Variants in ZNF135 observed in about 807,000 individuals in gnomAD.
The protein encoded by ZNF135 is zinc finger protein 135.
A neutral mutation model predicts 12.3 loss-of-function variants in ZNF135; 11 were observed. The ratio of observed to expected loss-of-function variants is 0.89; its 90% CI spans 0.56 to 1.48. The LOEUF is 1.48. ZNF135 is among the 40% of genes most tolerant of loss of function. The pLI, the probability that ZNF135 is intolerant of heterozygous loss-of-function variation, is 0.00. For missense variants in ZNF135, 722 were observed against 815.7 expected, an observed-to-expected ratio of 0.89 and a Z score of 1.40; for synonymous variants, 316 against 312.0, an observed-to-expected ratio of 1.01 and a Z score of -0.14.
intron 3 of ZNF135, among the ~76,000 whole-genome samples, chr19:58,062,003 C>T (rs546625703): frequency 6.6e-6 from 1 of 152,240 alleles, no homozygotes; most frequent in African/African-American, 2.4e-5. Flanking sequence ...CTGTTAGGAG[C>T]CCCTCCTTCT....
In ZNF135 at chr19:58,068,482, G is replaced by A. The variant is rs2074117913; in HGVS notation, c.*21G>A. The A allele has an allele frequency of 1.2e-6, 2 of 1,607,454 alleles. No individual in the cohort carries two copies. Among genetic ancestry groups the A allele is most frequent in the Non-Finnish European group, 1.7e-6 (2 of 1,176,356 alleles). Reference sequence around the variant, plus strand: ...GATAAACCCACTCCACATGTGCTGGGGACATAGGAAGACCTTAAGCCATAG... The same window carrying A: ...GATAAACCCACTCCACATGTGCTGGAGACATAGGAAGACCTTAAGCCATAG... On this transcript the variant is annotated 3_prime_UTR_variant, in exon 5 of 5. Transcript: ENST00000313434.
chr19:58,061,495 C>G, intron 2 of ZNF135, 85 bp from the exon 3 acceptor site: 1 of 1,521,836 alleles, frequency 6.6e-7, no homozygotes, highest in Non-Finnish European at 8.8e-7. Flanking sequence ...TCCATCCGAC[C>G]CAGCCTGGCT....
At chr19:58,061,069 A>G (rs2145923371) in intron 2 of ZNF135, among the ~76,000 whole-genome samples, 1 of 151,822 alleles carries the variant, frequency 6.6e-6, no homozygotes, top group East Asian at 2.0e-4. Context: ...CGGAGCTTGC[A>G]GTGAGCCAAG....
rs1309913919 is a variant in ZNF135, at chr19:58,063,381, T to C, written c.161-65T>C. 10 of 1,602,248 alleles carry C rather than the reference T, an allele frequency of 6.2e-6. No individual in the cohort carries two copies. The East Asian group carries it at 2.2e-4, about 36-fold the overall frequency. On this transcript the variant is annotated intron_variant, in intron 3 of 4. Transcript: ENST00000313434. This position sits in a 1 kb window ranked among gnomAD's most constrained non-coding sequence, Gnocchi z 4.4. Reference sequence around the variant, plus strand: ...GGGACCTGGAAGACCAAAGGTGGAATGGGCTGAGGCTCAGGAAGGGTCCTG... The same window carrying C: ...GGGACCTGGAAGACCAAAGGTGGAACGGGCTGAGGCTCAGGAAGGGTCCTG...
chr19:58,063,736 A>T lies in ZNF135; in HGVS notation c.256+195A>T, dbSNP rs2074021628. 7.4e-7 allele frequency: 1 copy of T among 1,353,504 alleles called. No homozygotes were observed. Among genetic ancestry groups the T allele is most frequent in the Non-Finnish European group, 9.6e-7 (1 of 1,042,390 alleles). 83.8% of individuals were successfully genotyped at this position (1,353,504 alleles called of 1,614,324 possible). The stretch of plus-strand genomic sequence containing the variant: ...ACTGAATTTATATTCTTGGTGAGGG[A>T]GTGGGGGAAACAAACAATAAATCGG... On this transcript the variant is annotated intron_variant, in intron 4 of 4. Transcript: ENST00000313434. The surrounding 1 kb of genome is among the most constrained non-coding windows in gnomAD (Gnocchi z 4.4).
rs2074119497 is a variant in ZNF135, at chr19:58,068,581, C to T, written c.*120C>T. 4 of 1,140,296 alleles carry T rather than the reference C, an allele frequency of 3.5e-6. No homozygotes were observed. Among genetic ancestry groups the T allele is most frequent in the South Asian group, 1.6e-5 (1 of 63,480 alleles). 70.6% of individuals were successfully genotyped at this position (1,140,296 alleles called of 1,614,324 possible). A position where few individuals can be genotyped will look rare whatever the true frequency, so the allele number is the denominator to read the frequency against. ...TTCATACACAAGCCTTTTCACACAGCACTCCCCTCAGACACCCTCAGAGAG... is the reference window on the plus strand; with the variant it reads ...TTCATACACAAGCCTTTTCACACAGTACTCCCCTCAGACACCCTCAGAGAG... On this transcript the variant is annotated 3_prime_UTR_variant, in exon 5 of 5. Transcript: ENST00000313434.
At chr19:58,062,445 C>G (rs2073997191) in intron 3 of ZNF135, among the ~76,000 whole-genome samples, 2 of 152,096 alleles carry the variant, frequency 1.3e-5, no homozygotes, top group Admixed American at 1.3e-4. Flanking sequence ...TGCAGTGGTG[C>G]GATCTCGGCT....
chr19:58,067,356 C>T lies in ZNF135; in HGVS notation c.872C>T (p.Thr291Ile). ...GCCCCACTGATCCAGCACCAGAGAA[C>T]TCACACAGGTGAGAAGCCCTATGAA... is the stretch of plus-strand genomic sequence containing the variant. ...QIAPLIQHQR[T>I]HTGEKPYECS... is the part of the protein sequence containing the mutation. Residue 291 changes from threonine (T) to isoleucine (I), a missense_variant, in exon 5 of 5, where the codon ACT (threonine) becomes ATT (isoleucine). Coordinates refer to ENST00000313434, the MANE Select transcript of ZNF135 (RefSeq NM_001289401.2). 1 of 1,614,134 alleles carries T rather than the reference C, an allele frequency of 6.2e-7. No homozygotes were observed. Among genetic ancestry groups the T allele is most frequent in the South Asian group, 1.1e-5 (1 of 91,078 alleles).
chr19:58,067,462 C>T lies in ZNF135; in HGVS notation c.978C>T (p.Tyr326=), dbSNP rs140782321. The T allele has an allele frequency of 4.2e-5, 68 of 1,613,808 alleles. No homozygotes were observed. The highest frequency in any genetic ancestry group is 3.8e-4 in the East Asian group (17 of 44,798). The change falls in exon 5 of 5, where the codon TAC becomes TAT. Residue 326 remains tyrosine, a synonymous_variant. Transcript: ENST00000313434. ...GAACTCACACAGGCGAGAAGCCCTA[C>T]GAGTGCAGTGAGTGTGGGAAAGCCT... is the stretch of plus-strand genomic sequence containing the variant. The part of the protein sequence containing the change: ...HERTHTGEKP[Y]ECSECGKAFR...
chr19:58,059,605 T>A lies in ZNF135; in HGVS notation c.-35+295T>A, dbSNP rs1465378096. The A allele has an allele frequency of 1.9e-6, 1 of 517,170 alleles. No individual in the cohort carries two copies. Among genetic ancestry groups the A allele is most frequent in the African/African-American group, 2.0e-5 (1 of 49,340 alleles). The allele number at this position is 517,170 out of a possible 1,614,324, so 32.0% of individuals were successfully genotyped here. On this transcript the variant is annotated intron_variant, in intron 1 of 4. Coordinates refer to ENST00000313434, the MANE Select transcript of ZNF135 (RefSeq NM_001289401.2). This position sits in a 1 kb window ranked among gnomAD's most constrained non-coding sequence, Gnocchi z 6.5. Reference sequence around the variant, plus strand: ...CGCGCCCCGCCCCTGGCCCCACCTCTGCCCCACACCGGGCACTGGGCCGCC... The same window carrying A: ...CGCGCCCCGCCCCTGGCCCCACCTCAGCCCCACACCGGGCACTGGGCCGCC...
chr19:58,061,553 G>T, intron 2 of ZNF135, 27 bp from the exon 3 acceptor site: 1 of 1,603,250 alleles, frequency 6.2e-7, no homozygotes, highest in Non-Finnish European at 8.5e-7. Flanking sequence ...GGTTGGCTTG[G>T]CTGAGGACAC....
Position 58,067,085 on chromosome 19 carries a change from C to T in ZNF135, c.601C>T (p.Leu201=). The change falls in exon 5 of 5, where the codon CTA becomes TTA. Residue 201 remains leucine (L), a synonymous_variant. Coordinates refer to ENST00000313434, the MANE Select transcript of ZNF135 (RefSeq NM_001289401.2). ...GTRGKREKPD[L]NVLQKTCVKE... ...ACGTGGAAAAAGGGAGAAGCCAGAC[C>T]TAAATGTTTTACAGAAAACCTGTGT... 1 of 1,614,176 alleles carries T rather than the reference C, an allele frequency of 6.2e-7. No individual in the cohort carries two copies. The highest frequency in any genetic ancestry group is 8.5e-7 in the Non-Finnish European group (1 of 1,180,026).
chr19:58,066,692 TG>T, intron 4 of ZNF135, 48 bp from the exon 5 acceptor site: 3 of 1,595,116 alleles, frequency 1.9e-6, no homozygotes, highest in Non-Finnish European at 2.6e-6. Context: ...CAAACTCTTT[TG>T]CCGTGGAACA....
chr19:58,063,602 C>T lies in ZNF135; in HGVS notation c.256+61C>T. ...GTCCATGCTTGCTTCCTGGTTTCTC[C>T]CTCTGCATCTGCTCTCTAATTCTTC... On this transcript the variant is annotated intron_variant, in intron 4 of 4. Coordinates refer to ENST00000313434, the MANE Select transcript of ZNF135 (RefSeq NM_001289401.2). This position sits in a 1 kb window ranked among gnomAD's most constrained non-coding sequence, Gnocchi z 4.4. The T allele has an allele frequency of 6.2e-7, 1 of 1,606,426 alleles. No homozygotes were observed. Among genetic ancestry groups the T allele is most frequent in the Non-Finnish European group, 8.5e-7 (1 of 1,176,024 alleles).
In ZNF135 at chr19:58,063,384, G is replaced by T. The variant is rs2074013274; in HGVS notation, c.161-62G>T. 1.9e-6 allele frequency: 3 copies of T among 1,604,754 alleles called. No homozygotes were observed. In the East Asian group the frequency reaches 6.7e-5, roughly 36 times the overall value. On this transcript the variant is annotated intron_variant, in intron 3 of 4. Transcript: ENST00000313434. The surrounding 1 kb of genome is among the most constrained non-coding windows in gnomAD (Gnocchi z 4.4). Reference sequence around the variant, plus strand: ...ACCTGGAAGACCAAAGGTGGAATGGGCTGAGGCTCAGGAAGGGTCCTGGGA... The same window carrying T: ...ACCTGGAAGACCAAAGGTGGAATGGTCTGAGGCTCAGGAAGGGTCCTGGGA...
rs963108073 is a variant in ZNF135, at chr19:58,063,632, C to A, written c.256+91C>A. Reference sequence around the variant, plus strand: ...GCATCTGCTCTCTAATTCTTCAGAGCAAATTTACTACTCAGTCTTAGTGAA... The same window carrying A: ...GCATCTGCTCTCTAATTCTTCAGAGAAAATTTACTACTCAGTCTTAGTGAA... On this transcript the variant is annotated intron_variant, in intron 4 of 4. Transcript: ENST00000313434. The surrounding 1 kb of genome is among the most constrained non-coding windows in gnomAD (Gnocchi z 4.4). 6.4e-7 allele frequency: 1 copy of A among 1,560,952 alleles called. No individual in the cohort carries two copies. Among genetic ancestry groups the A allele is most frequent in the African/African-American group, 1.4e-5 (1 of 73,654 alleles).
At chr19:58,066,359 G>A (rs1568614765) in intron 4 of ZNF135, among the ~76,000 whole-genome samples, 3 of 152,176 alleles carry the variant, frequency 2.0e-5, no homozygotes, top group Non-Finnish European at 4.4e-5. Flanking sequence ...GAGCCTGGGT[G>A]CCACACTGCT....
At position 58,069,710 on chromosome 19, in the gene ZNF135, C is replaced by G. The variant is rs2074135159; in HGVS notation, c.*1249C>G. On this transcript the variant is annotated 3_prime_UTR_variant, in exon 5 of 5. Transcript: ENST00000313434. ...CTGAGATCGTACCATTGCACTCCAG[C>G]CTGGGCAACAAGAGTGAAACTCTGT... is the stretch of plus-strand genomic sequence containing the variant. 6.7e-6 allele frequency: 1 copy of G among 148,884 alleles called. No homozygotes were observed. Among genetic ancestry groups the G allele is most frequent in the Non-Finnish European group, 1.5e-5 (1 of 67,592 alleles). 9.2% of individuals were successfully genotyped at this position (148,884 alleles called of 1,614,324 possible).
At chr19:58,061,205 T>G (rs2073974389) in intron 2 of ZNF135, among the ~76,000 whole-genome samples, 1 of 152,070 alleles carries the variant, frequency 6.6e-6, no homozygotes, top group Non-Finnish European at 1.5e-5. Context: ...TCCCCTAGGC[T>G]GAAGTGCAGT....
Sources: gnomAD v4.1 joint callset for allele counts (sites outside exome capture counted in the v4.1 genomes callset) on GRCh38, gnomAD v4.1.1 for gene constraint, Gnocchi (gnomAD v3.1) non-coding constraint, MANE v1.5 for transcripts, NCBI Gene and HGNC (gene_info 2026-07-23, HGNC 2026-07-21) for gene names.